CRTC1: variants seen among roughly 807,000 people sequenced by gnomAD.
The protein encoded by CRTC1 is CREB regulated transcription coactivator 1, also known as CREB-regulated transcription coactivator 1.
CRTC1 carries 18 observed loss-of-function variants against 66.1 expected under a neutral mutation model. The observed-to-expected ratio is 0.27, with a 90% CI of 0.19 to 0.40. The LOEUF (loss-of-function observed/expected upper bound fraction) is 0.40. Among genes scored for constraint, CRTC1 ranks in the 10% least tolerant of loss-of-function variants. The pLI is 1.00. For synonymous variants in CRTC1, 416 were observed against 398.8 expected, an observed-to-expected ratio of 1.04 and a Z score of -0.51; for missense variants, 669 against 887.9, an observed-to-expected ratio of 0.75 and a Z score of 3.13.
intron 3 of CRTC1, among the ~76,000 whole-genome samples, chr19:18,746,777 C>A (rs906645452): frequency 1.3e-5 from 2 of 152,192 alleles, no homozygotes; most frequent in Non-Finnish European, 2.9e-5. Context: ...AGAACCCCCT[C>A]CCTTGGAAGG....
intron 6 of CRTC1, among the ~76,000 whole-genome samples, chr19:18,756,716 C>T (rs550676421): frequency 1.3e-5 from 2 of 152,260 alleles, no homozygotes; most frequent in South Asian, 4.2e-4. Context: ...GCTGGATGTT[C>T]TGCCGTTACT....
At chr19:18,692,905 C>A (rs989052866) in intron 1 of CRTC1, among the ~76,000 whole-genome samples, 2 of 151,296 alleles carry the variant, frequency 1.3e-5, no homozygotes, top group Non-Finnish European at 2.9e-5. Context: ...GAAACCCTGT[C>A]TCTACTAAAA....
chr19:18,730,733 G>T (rs1410251265), intron 1 of CRTC1, among the ~76,000 whole-genome samples: 4 of 152,064 alleles, frequency 2.6e-5, no homozygotes, highest in Non-Finnish European at 4.4e-5. Context: ...CAGGATCCCT[G>T]CCCCCTCTGG....
intron 1 of CRTC1, among the ~76,000 whole-genome samples, chr19:18,731,980 G>T (rs2053900429): frequency 6.6e-6 from 1 of 152,236 alleles, no homozygotes. Context: ...CCTGGGTTTG[G>T]CTGCCTGTGG....
Position 18,738,744 on chromosome 19 carries a change from G to C in CRTC1, c.127-4166G>C, listed in dbSNP as rs557219992. On this transcript the variant is annotated intron_variant, in intron 1 of 13. Transcript: ENST00000321949. ...GAACCCAGGAGGTAGAGGTTGCAGT[G>C]AGCCGAGATCGCGCCATTACACTCC... is the stretch of plus-strand genomic sequence containing the variant. Among the ~76,000 whole-genome samples the C allele has an allele frequency of 1.6e-4, 24 of 152,346 alleles. No homozygotes were observed. In the East Asian group the frequency reaches 3.7e-3, roughly 23 times the overall value.
intron 1 of CRTC1, among the ~76,000 whole-genome samples, chr19:18,693,157 G>A (rs1291168035): frequency 6.6e-6 from 1 of 151,068 alleles, no homozygotes; most frequent in Non-Finnish European, 1.5e-5. Context: ...TTGGGAGGCC[G>A]AGGTGGGCAG....
chr19:18,769,538 G>A (rs1320860723), intron 10 of CRTC1, among the ~76,000 whole-genome samples: 10 of 152,220 alleles, frequency 6.6e-5, no homozygotes. Flanking sequence ...GCTGGGTGGG[G>A]CAGGCAGGTG....
chr19:18,715,165 G>T (rs552708206), intron 1 of CRTC1, among the ~76,000 whole-genome samples: 2 of 152,208 alleles, frequency 1.3e-5, no homozygotes, highest in African/African-American at 2.4e-5. Flanking sequence ...GCTTGTAGCC[G>T]CATCACTCCA....
At chr19:18,729,919 G>A (rs1265422050) in intron 1 of CRTC1, among the ~76,000 whole-genome samples, 2 of 152,082 alleles carry the variant, frequency 1.3e-5, no homozygotes, top group Non-Finnish European at 2.9e-5. Flanking sequence ...GAAACCAGGA[G>A]CTGTGACTCC....
intron 1 of CRTC1, among the ~76,000 whole-genome samples, chr19:18,700,720 C>T (rs1271277878): frequency 2.6e-5 from 4 of 152,146 alleles, no homozygotes; most frequent in African/African-American, 7.2e-5. Context: ...GGGACTGGCT[C>T]TGTGGGCTGG....
intron 2 of CRTC1, among the ~76,000 whole-genome samples, chr19:18,743,885 C>G (rs1398475803): frequency 6.6e-6 from 1 of 152,224 alleles, no homozygotes; most frequent in African/African-American, 2.4e-5. Flanking sequence ...TTCTCCCCTC[C>G]TGCCCTTCTC....
At chr19:18,742,437 C>T (rs1199982449) in intron 1 of CRTC1, among the ~76,000 whole-genome samples, 2 of 152,196 alleles carry the variant, frequency 1.3e-5, no homozygotes, top group Non-Finnish European at 2.9e-5. Context: ...GATCACAAGT[C>T]CCACGCTTTG....
intron 6 of CRTC1, among the ~76,000 whole-genome samples, chr19:18,754,789 A>G (rs2054447849): frequency 6.6e-6 from 1 of 152,162 alleles, no homozygotes; most frequent in Non-Finnish European, 1.5e-5. Context: ...AATATTGGAA[A>G]AGGCATAAAA....
At chr19:18,722,783 TC>T (rs1373436120) in intron 1 of CRTC1, among the ~76,000 whole-genome samples, 1 of 152,032 alleles carries the variant, frequency 6.6e-6, no homozygotes, top group African/African-American at 2.4e-5. Context: ...CCATTTCCAC[TC>T]CCAGCCCCAG....
At chr19:18,706,740 CCCTAATGATT>C (rs1468974498) in intron 1 of CRTC1, among the ~76,000 whole-genome samples, 6 of 152,102 alleles carry the variant, frequency 3.9e-5, no homozygotes, top group Non-Finnish European at 8.8e-5. Context: ...GTTTGCATTT[CCCTAATGATT>C]AGTGCTGTTG....
At chr19:18,742,104 C>T (rs2054124531) in intron 1 of CRTC1, among the ~76,000 whole-genome samples, 1 of 152,198 alleles carries the variant, frequency 6.6e-6, no homozygotes, top group Non-Finnish European at 1.5e-5. Flanking sequence ...TCCCCAAGGG[C>T]CTCGGGTCGT....
chr19:18,713,976 G>C (rs1300104702), intron 1 of CRTC1, among the ~76,000 whole-genome samples: 1 of 152,176 alleles, frequency 6.6e-6, no homozygotes, highest in Non-Finnish European at 1.5e-5. Flanking sequence ...ACTAAAAATA[G>C]CAGCCACATG....
chr19:18,748,099 A>T (rs1012851337), intron 4 of CRTC1, among the ~76,000 whole-genome samples: 7 of 152,174 alleles, frequency 4.6e-5, no homozygotes, highest in Admixed American at 1.3e-4. Flanking sequence ...TAACAATAAT[A>T]TAGTTAATAT....
At chr19:18,742,800 A>T in intron 1 of CRTC1, 110 bp from the exon 2 acceptor site, 2 of 776,686 alleles carry the variant, frequency 2.6e-6, no homozygotes, top group Non-Finnish European at 4.5e-6. Flanking sequence ...AAACTTCTGC[A>T]CTTAGGCTGT....
Sources: allele counts gnomAD v4.1 joint callset (sites outside exome capture counted in the v4.1 genomes callset), GRCh38; gene constraint gnomAD v4.1.1; transcripts MANE v1.5; gene names NCBI Gene and HGNC (gene_info 2026-07-23, HGNC 2026-07-21).